The following FAT1 variants were observed in gnomAD, a reference collection of about 807,000 sequenced individuals.
The protein encoded by FAT1 is protocadherin Fat 1.
FAT1 carries 171 observed loss-of-function variants against 329.8 expected under a neutral mutation model. The ratio of observed to expected loss-of-function variants is 0.52; its 90% CI spans 0.46 to 0.59. FAT1 has a LOEUF of 0.59. Among genes scored for constraint, FAT1 ranks in the 20% least tolerant of loss-of-function variants. The probability of loss-of-function intolerance (pLI) is 0.00; values close to 1 mark genes in which losing one functional copy is unlikely to be tolerated. For missense variants in FAT1, 5,672 were observed against 5,774.4 expected, an observed-to-expected ratio of 0.98 and a Z score of 0.57; for synonymous variants, 2,233 against 2,228.6, an observed-to-expected ratio of 1.00 and a Z score of -0.06.
chr4:186,685,033 A>G (rs1319338644), intron 2 of FAT1, among the ~76,000 whole-genome samples: 1 of 152,230 alleles, frequency 6.6e-6, no homozygotes, highest in Admixed American at 6.5e-5. Flanking sequence ...CAAGAAAGGT[A>G]AAGTATACAG....
rs527728223 is a variant in FAT1, at chr4:186,634,403, ACT to A, written c.4184-582_4184-581del. On this transcript the variant is annotated intron_variant, in intron 6 of 26. Transcript: ENST00000441802. ...ATATTATCCAAATATTTTTGATAAAACTCTCTTTTCAAATCCATCGACCTAGA... is the reference window on the plus strand; with the variant it reads ...ATATTATCCAAATATTTTTGATAAAACTCTTTTCAAATCCATCGACCTAGA... Among the ~76,000 whole-genome samples, 73 of 152,308 alleles carry A rather than the reference ACT, an allele frequency of 4.8e-4. 1 individual carries two copies. The highest frequency in any genetic ancestry group is 1.3e-3 in the African/African-American group (52 of 41,558).
At position 186,636,651 on chromosome 4, in the gene FAT1, G is replaced by A. The variant is rs766976802; in HGVS notation, c.3906C>T (p.Ile1302=). 3.7e-6 allele frequency: 6 copies of A among 1,613,734 alleles called. No homozygotes were observed. Among genetic ancestry groups the A allele is most frequent in the East Asian group, 2.2e-5 (1 of 44,874 alleles). The change falls in exon 5 of 27, where the codon ATC becomes ATT. Residue 1302 remains isoleucine (I), a synonymous_variant. Transcript: ENST00000441802. ...ACGAAACCACTCCAGTTTTCGGTTCGATGAAAAATTTGCCATGCTCATTCC... is the reference window on the plus strand; with the variant it reads ...ACGAAACCACTCCAGTTTTCGGTTCAATGAAAAATTTGCCATGCTCATTCC... The part of the protein sequence containing the change: ...EDGNEHGKFF[I]EPKTGVVSSK...
At chr4:186,615,623 C>G (rs1390358709) in intron 11 of FAT1, among the ~76,000 whole-genome samples, 5 of 152,136 alleles carry the variant, frequency 3.3e-5, no homozygotes, top group Admixed American at 3.3e-4. Context: ...CCCAAATGGT[C>G]TGTTTCGCAT....
At chr4:186,648,376 T>C (rs1429053528) in intron 3 of FAT1, among the ~76,000 whole-genome samples, 2 of 152,302 alleles carry the variant, frequency 1.3e-5, no homozygotes, top group East Asian at 3.9e-4. Context: ...AAATCAATTA[T>C]TTTTTAAGCC....
At position 186,603,954 on chromosome 4, in the gene FAT1, C is replaced by G. The variant is rs181652628; in HGVS notation, c.10572G>C (p.Gln3524His). 3.1e-4 allele frequency: 493 copies of G among 1,611,844 alleles called. 5 individuals carry two copies. The African/African-American group carries it at 5.5e-3, about 18-fold the overall frequency. The change falls in exon 19 of 27, where the codon CAG becomes CAC. Residue 3524 changes from glutamine (Q) to histidine (H), a missense_variant. Gln to His is a conservative substitution (Grantham distance 24). Transcript: ENST00000441802. The stretch of plus-strand genomic sequence containing the variant: ...TGTCAATGTATGTCAAAGATGACAA[C>G]TGAGGCTTTCCATTATCTGCCACCT... ...QVKVADNGKP[Q>H]LSSLTYIDIR...
chr4:186,653,995 T>C (rs1209892591), intron 3 of FAT1, among the ~76,000 whole-genome samples: 1 of 152,178 alleles, frequency 6.6e-6, no homozygotes, highest in Non-Finnish European at 1.5e-5. Context: ...GCAACTATTA[T>C]ATGAAACAGA....
intron 2 of FAT1, among the ~76,000 whole-genome samples, chr4:186,678,339 C>T (rs1252348336): frequency 6.6e-6 from 1 of 151,564 alleles, no homozygotes; most frequent in African/African-American, 2.4e-5. Flanking sequence ...CGCAGTGGCT[C>T]ATGCTGGTAA....
intron 3 of FAT1, among the ~76,000 whole-genome samples, chr4:186,661,498 G>A (rs191460943): frequency 6.6e-6 from 1 of 152,278 alleles, no homozygotes; most frequent in Admixed American, 6.5e-5. Context: ...GTTTCTCACC[G>A]CTGAACACGT....
At chr4:186,635,997 G>T in intron 6 of FAT1, 28 bp downstream of exon 6, 5 of 1,606,534 alleles carry the variant, frequency 3.1e-6, no homozygotes, top group Non-Finnish European at 4.3e-6. Flanking sequence ...AACCCATACG[G>T]ACAACGAAAA....
intron 2 of FAT1, among the ~76,000 whole-genome samples, chr4:186,687,440 C>T (rs991072398): frequency 2.0e-5 from 3 of 152,134 alleles, no homozygotes; most frequent in Admixed American, 1.3e-4. Flanking sequence ...ACCTTTCACC[C>T]AGCAATTTCA....
chr4:186,701,357 A>C (rs1194516028), intron 2 of FAT1, among the ~76,000 whole-genome samples: 2 of 152,130 alleles, frequency 1.3e-5, no homozygotes, highest in Non-Finnish European at 2.9e-5. Context: ...CTGCCAAGAC[A>C]CAACTTCCAG....
intron 2 of FAT1, among the ~76,000 whole-genome samples, chr4:186,668,131 T>C (rs1210068693): frequency 6.6e-6 from 1 of 152,024 alleles, no homozygotes; most frequent in Non-Finnish European, 1.5e-5. Flanking sequence ...CTGCACAAAG[T>C]GGGTGGAAGG....
intron 2 of FAT1, 67 bp from the exon 3 acceptor site, chr4:186,663,680 TCAA>T (rs1742293737): frequency 6.2e-6 from 8 of 1,289,370 alleles, no homozygotes; most frequent in Admixed American, 2.2e-5. Context: ...TCAGAAAGTG[TCAA>T]CAACTACGGC....
In FAT1 at chr4:186,628,713, T is replaced by C. The variant is rs373627112; in HGVS notation, c.4374A>G (p.Thr1458=). The C allele has an allele frequency of 1.2e-6, 2 of 1,613,810 alleles. No homozygotes were observed. Among genetic ancestry groups the C allele is most frequent in the African/African-American group, 2.7e-5 (2 of 74,944 alleles). Residue 1458 remains threonine (T), a synonymous_variant, in exon 8 of 27, where the codon ACA becomes ACG. Transcript: ENST00000441802. ...DTNDHRPQFS[T]SKYEVVIPED... is the part of the protein sequence containing the mutation. ...CAGGAATAACAACTTCATACTTTGA[T>C]GTAGAAAACTGAGGACGATGGTCAT...
chr4:186,589,931 C>T (rs994685130), intron 26 of FAT1, among the ~76,000 whole-genome samples: 3 of 152,110 alleles, frequency 2.0e-5, no homozygotes, highest in Non-Finnish European at 4.4e-5. Flanking sequence ...ATTAAAATTA[C>T]TATTTTTCAT....
rs548372066 is a variant in FAT1 at position 186,626,153 on chromosome 4, A to AGAAT, written c.4810+1997_4810+2000dup. ...CATAAAGCGAGCTTCATCAGCCTACAGAATGAATGAATGAATGAATGAGGG... is the reference window on the plus strand; with the variant it reads ...CATAAAGCGAGCTTCATCAGCCTACAGAATGAATGAATGAATGAATGAATGAGGG... On this transcript the variant is annotated intron_variant, in intron 9 of 26. Coordinates refer to ENST00000441802, the MANE Select transcript of FAT1 (RefSeq NM_005245.4). 1.6e-3 allele frequency among the ~76,000 whole-genome samples: 151 copies of AGAAT among 91,570 alleles called. 10 individuals are homozygous for AGAAT. The highest frequency in any genetic ancestry group is 6.3e-3 in the African/African-American group (125 of 19,816). 60.1% of individuals were successfully genotyped at this position (91,570 alleles called of 152,430 possible). A position where few individuals can be genotyped will look rare whatever the true frequency, so the allele number is the denominator to read the frequency against.
At chr4:186,696,130 A>T (rs74380728) in intron 2 of FAT1, among the ~76,000 whole-genome samples, 3,624 of 152,206 alleles carry the variant, frequency 0.024, 134 homozygotes, top group African/African-American at 0.082. Flanking sequence ...TACTGACCTT[A>T]AACTCTAATC....
At chr4:186,629,458 TA>T (rs2126547091) in intron 7 of FAT1, among the ~76,000 whole-genome samples, 1 of 152,344 alleles carries the variant, frequency 6.6e-6, no homozygotes, top group Non-Finnish European at 1.5e-5. Flanking sequence ...GGTACTAAGC[TA>T]AATTAGAAAC....
intron 1 of FAT1, among the ~76,000 whole-genome samples, chr4:186,718,290 C>A (rs1194507478): frequency 6.6e-6 from 1 of 152,166 alleles, no homozygotes; most frequent in Non-Finnish European, 1.5e-5. Context: ...TCTGATACCA[C>A]AAAATCCTGC....
Sources: gnomAD v4.1 joint callset for allele counts (sites outside exome capture counted in the v4.1 genomes callset) on GRCh38, gnomAD v4.1.1 for gene constraint, MANE v1.5 for transcripts, NCBI Gene and HGNC (gene_info 2026-07-23, HGNC 2026-07-21) for gene names.